PRKD1: variants seen among roughly 807,000 people sequenced by gnomAD.
The protein encoded by PRKD1 is serine/threonine-protein kinase D1.
PRKD1 carries 63 observed loss-of-function variants against 95.9 expected under a neutral mutation model. The ratio of observed to expected loss-of-function variants is 0.66; its 90% confidence interval spans 0.54 to 0.81. PRKD1 has a LOEUF of 0.81. Among genes scored for constraint, PRKD1 ranks in the 30% least tolerant of loss-of-function variants. PRKD1 has a pLI of 0.00. For missense variants in PRKD1, 1,048 were observed against 1,165.3 expected, an observed-to-expected ratio of 0.90 and a Z score of 1.47; for synonymous variants, 425 against 423.1, an observed-to-expected ratio of 1.00 and a Z score of -0.05.
At position 29,927,603 on chromosome 14, in the gene PRKD1, T is replaced by C. The variant is rs138671511; in HGVS notation, c.-91A>G. ...TTGCAGCCGCTGAGCCAGGAGCTTCTTTCTCCGAGAGCCCAGACGGAAAAT... is the reference window on the plus strand; with the variant it reads ...TTGCAGCCGCTGAGCCAGGAGCTTCCTTCTCCGAGAGCCCAGACGGAAAAT... On this transcript the variant is annotated 5_prime_UTR_variant, in exon 1 of 18. Coordinates refer to ENST00000331968, the MANE Select transcript of PRKD1 (RefSeq NM_002742.3). The C allele has an allele frequency of 5.0e-6, 5 of 1,003,532 alleles. No homozygotes were observed. Among genetic ancestry groups the C allele is most frequent in the Non-Finnish European group, 6.1e-6 (5 of 821,036 alleles). 62.2% of individuals were successfully genotyped at this position (1,003,532 alleles called of 1,614,324 possible).
chr14:29,609,490 TTGTG>T (rs147951504), intron 13 of PRKD1, among the ~76,000 whole-genome samples: 1 of 132,776 alleles, frequency 7.5e-6, no homozygotes, highest in Non-Finnish European at 1.6e-5. Context: ...ACTAATCTAT[TTGTG>T]TGTGTGTGCG....
intron 1 of PRKD1, among the ~76,000 whole-genome samples, chr14:29,894,808 T>C (rs1390843572): frequency 2.6e-5 from 4 of 152,236 alleles, no homozygotes; most frequent in East Asian, 1.9e-4. Context: ...CCCTGGACTG[T>C]GTGCTATGTG....
At chr14:29,801,832 G>C (rs1890045030) in intron 1 of PRKD1, among the ~76,000 whole-genome samples, 1 of 152,186 alleles carries the variant, frequency 6.6e-6, no homozygotes, top group Admixed American at 6.5e-5. Context: ...GGGATCACAG[G>C]CATGCGCCAA....
intron 1 of PRKD1, among the ~76,000 whole-genome samples, chr14:29,743,028 C>T (rs1270671936): frequency 6.6e-6 from 1 of 152,130 alleles, no homozygotes. Flanking sequence ...CATCCTGCTC[C>T]CTTTATATTT....
chr14:29,747,474 G>A (rs1016062184), intron 1 of PRKD1, among the ~76,000 whole-genome samples: 6 of 151,942 alleles, frequency 3.9e-5, no homozygotes, highest in Non-Finnish European at 7.4e-5. Flanking sequence ...ACTAAAGACA[G>A]GCACAAAAAC....
chr14:29,883,499 C>A (rs1216876412), intron 1 of PRKD1, among the ~76,000 whole-genome samples: 1 of 152,122 alleles, frequency 6.6e-6, no homozygotes, highest in Non-Finnish European at 1.5e-5. Flanking sequence ...TTGTGACTAA[C>A]ACTTTCACTA....
chr14:29,894,001 T>C (rs1457340190), intron 1 of PRKD1, among the ~76,000 whole-genome samples: 3 of 152,198 alleles, frequency 2.0e-5, no homozygotes, highest in Admixed American at 1.3e-4. Context: ...AGAATCACTA[T>C]GCAAACATGT....
intron 2 of PRKD1, among the ~76,000 whole-genome samples, chr14:29,677,664 T>C (rs1049207936): frequency 3.9e-5 from 6 of 152,180 alleles, no homozygotes; most frequent in African/African-American, 7.2e-5. Flanking sequence ...CAACCTCCGC[T>C]TCCCAGGTTA....
intron 1 of PRKD1, among the ~76,000 whole-genome samples, chr14:29,848,541 A>G (rs1230538144): frequency 1.3e-5 from 2 of 152,090 alleles, no homozygotes; most frequent in East Asian, 3.9e-4. Flanking sequence ...TCCTTGGCAC[A>G]GAGACAGCCT....
intron 2 of PRKD1, among the ~76,000 whole-genome samples, chr14:29,683,715 T>C (rs966576305): frequency 6.6e-6 from 1 of 152,182 alleles, no homozygotes; most frequent in Non-Finnish European, 1.5e-5. Context: ...AATAGTACAA[T>C]GTAACATTAT....
At chr14:29,786,027 A>G (rs1889260051) in intron 1 of PRKD1, among the ~76,000 whole-genome samples, 1 of 152,198 alleles carries the variant, frequency 6.6e-6, no homozygotes, top group Middle Eastern at 3.4e-3. Context: ...CTCTATACCT[A>G]ATTTGTTCAG....
chr14:29,882,668 C>T (rs1310539276), intron 1 of PRKD1, among the ~76,000 whole-genome samples: 3 of 152,186 alleles, frequency 2.0e-5, no homozygotes, highest in Non-Finnish European at 4.4e-5. Context: ...TCTCCCCAGC[C>T]CCTGCCAACT....
intron 1 of PRKD1, among the ~76,000 whole-genome samples, chr14:29,808,785 T>C (rs530754840): frequency 5.4e-4 from 83 of 152,296 alleles, no homozygotes; most frequent in African/African-American, 1.9e-3. Context: ...AAGTCATCCA[T>C]AAGTGTTGGA....
intron 1 of PRKD1, among the ~76,000 whole-genome samples, chr14:29,826,814 CACATATATATATATAT>C (rs1891193169): frequency 3.8e-5 from 1 of 26,042 alleles, no homozygotes; most frequent in African/African-American, 1.3e-4. Flanking sequence ...CATATATATA[CACATATATATATATAT>C]ATATATATAC....
chr14:29,734,835 G>A (rs1375556466), intron 1 of PRKD1, among the ~76,000 whole-genome samples: 2 of 152,076 alleles, frequency 1.3e-5, no homozygotes, highest in Non-Finnish European at 2.9e-5. Context: ...CCAAAATCCT[G>A]TTGGCTTGGC....
chr14:29,850,453 AACACAC>A (rs57312847), intron 1 of PRKD1, among the ~76,000 whole-genome samples: 1,539 of 147,900 alleles, frequency 0.01, 23 homozygotes, highest in Middle Eastern at 0.028. Context: ...CCCCATTCAA[AACACAC>A]ACACACACAC....
intron 2 of PRKD1, among the ~76,000 whole-genome samples, chr14:29,675,090 C>T (rs544747220): frequency 1.3e-5 from 2 of 152,130 alleles, no homozygotes; most frequent in African/African-American, 2.4e-5. Context: ...GGAATTGTCC[C>T]GGCTGTGGCT....
At chr14:29,762,153 C>A (rs1290164550) in intron 1 of PRKD1, among the ~76,000 whole-genome samples, 1 of 152,108 alleles carries the variant, frequency 6.6e-6, no homozygotes, top group African/African-American at 2.4e-5. Context: ...TGGCCAATTG[C>A]AACTGTACAA....
chr14:29,741,784 C>T (rs1030642375), intron 1 of PRKD1, among the ~76,000 whole-genome samples: 5 of 152,084 alleles, frequency 3.3e-5, no homozygotes, highest in Admixed American at 1.3e-4. Flanking sequence ...ATTTTACTGA[C>T]ACTTATATTC....
Sources: gnomAD v4.1 joint callset for allele counts (sites outside exome capture counted in the v4.1 genomes callset) on GRCh38, gnomAD v4.1.1 for gene constraint, MANE v1.5 for transcripts, NCBI Gene and HGNC (gene_info 2026-07-23, HGNC 2026-07-21) for gene names.